NCOA1: variants seen among roughly 807,000 people sequenced by gnomAD.
NCOA1 encodes the protein Hin-2 protein.
NCOA1 carries 35 observed loss-of-function variants against 150.9 expected under a neutral mutation model. That is an observed-to-expected ratio of 0.23 (90% CI 0.18 to 0.31). NCOA1 has a LOEUF of 0.31. Among genes scored for constraint, NCOA1 ranks in the 10% least tolerant of loss-of-function variants. The pLI is 1.00. For missense variants in NCOA1, 1,491 were observed against 1,749.3 expected (o/e 0.85, Z 2.63); for synonymous variants, 590 against 630.0 (o/e 0.94, Z 0.95).
In NCOA1 at chr2:24,707,183, C is replaced by T; in HGVS notation, c.1713C>T (p.Ser571=). The T allele has an allele frequency of 6.2e-7, 1 of 1,614,148 alleles. No homozygotes were observed. The highest frequency in any genetic ancestry group is 8.5e-7 in the Non-Finnish European group (1 of 1,180,026). Residue 571 remains serine (S), a synonymous_variant, in exon 13 of 23, where the codon AGC becomes AGT. Coordinates refer to ENST00000348332, the MANE Select transcript of NCOA1 (RefSeq NM_003743.5). The part of the protein sequence containing the change: ...LRQMSSQNSP[S]RLNIQPAKAE... ...AGATGAGCTCACAGAATTCACCTAG[C>T]AGATTAAATATACAACCAGCAAAAG...
Position 24,749,415 on chromosome 2 carries a change from C to T in NCOA1, c.3707-2567C>T, listed in dbSNP as rs542035279. Among the ~76,000 whole-genome samples the T allele has an allele frequency of 8.3e-4, 126 of 152,308 alleles. 1 individual carries two copies. The highest frequency in any genetic ancestry group is 2.9e-3 in the African/African-American group (120 of 41,562). ...TCAAGTCTTCAGCTGAGAGCTGATGCGCGCACGCGGGCATGCGTGTTTGTG... is the reference window on the plus strand; with the variant it reads ...TCAAGTCTTCAGCTGAGAGCTGATGTGCGCACGCGGGCATGCGTGTTTGTG... On this transcript the variant is annotated intron_variant, in intron 19 of 22. Transcript: ENST00000348332.
At chr2:24,697,047 TG>T (rs1672939488) in intron 10 of NCOA1, among the ~76,000 whole-genome samples, 1 of 152,162 alleles carries the variant, frequency 6.6e-6, no homozygotes, top group South Asian at 2.1e-4. Context: ...TGTTTAAATA[TG>T]ATAACAATGG....
At chr2:24,499,317 A>T (rs1383952651) in intron 1 of NCOA1, among the ~76,000 whole-genome samples, 1 of 152,180 alleles carries the variant, frequency 6.6e-6, no homozygotes, top group African/African-American at 2.4e-5. Flanking sequence ...TTAAAAAAAA[A>T]TTTTAACCTC....
intron 1 of NCOA1, among the ~76,000 whole-genome samples, chr2:24,539,586 G>A (rs1665306017): frequency 6.6e-6 from 1 of 152,154 alleles, no homozygotes; most frequent in Non-Finnish European, 1.5e-5. Context: ...TTCATGATGT[G>A]ATTTGCATTT....
intron 22 of NCOA1, chr2:24,767,807 C>T (rs1665144166): frequency 5.5e-6 from 2 of 366,404 alleles, no homozygotes; most frequent in Non-Finnish European, 9.8e-6. Context: ...TTTTCAGTGA[C>T]ATCATAAAGA....
At chr2:24,638,152 T>C (rs1354772491) in intron 3 of NCOA1, among the ~76,000 whole-genome samples, 1 of 151,736 alleles carries the variant, frequency 6.6e-6, no homozygotes. Context: ...TAGTATCTTA[T>C]GTTCTACTTG....
chr2:24,528,372 G>A (rs944114872), intron 1 of NCOA1, among the ~76,000 whole-genome samples: 3 of 134,806 alleles, frequency 2.2e-5, no homozygotes, highest in African/African-American at 8.2e-5. Flanking sequence ...TCTGAGACAA[G>A]GTCTTGCTTT....
At chr2:24,493,995 G>A (rs772727099) in intron 1 of NCOA1, among the ~76,000 whole-genome samples, 70 of 152,172 alleles carry the variant, frequency 4.6e-4, no homozygotes, top group Non-Finnish European at 1.0e-4. Context: ...GAAAGTGCTG[G>A]CAACATTTCA....
chr2:24,541,025 T>G (rs1350050120), intron 1 of NCOA1, among the ~76,000 whole-genome samples: 1 of 152,176 alleles, frequency 6.6e-6, no homozygotes, highest in East Asian at 1.9e-4. Flanking sequence ...CACTTGGGCA[T>G]GCTGAGATTG....
At chr2:24,526,081 T>G (rs548316991) in intron 1 of NCOA1, among the ~76,000 whole-genome samples, 3 of 152,288 alleles carry the variant, frequency 2.0e-5, no homozygotes, top group African/African-American at 7.2e-5. Context: ...CTGGCCTAAT[T>G]GTTTCTTGGA....
intron 1 of NCOA1, among the ~76,000 whole-genome samples, chr2:24,533,786 A>G (rs1454905069): frequency 6.6e-6 from 1 of 152,128 alleles, no homozygotes; most frequent in Non-Finnish European, 1.5e-5. Context: ...CATCCTGGGG[A>G]TGAAGCCAAT....
Position 24,763,852 on chromosome 2 carries a change from C to G in NCOA1, c.4155+1076C>G, listed in dbSNP as rs559737324. On this transcript the variant is annotated intron_variant, in intron 22 of 22. Transcript: ENST00000348332. ...GACCAGGCCGGTCTCGAACTCCTGACCTAAGGTGATCCACCCGCCTCGGCC... is the reference window on the plus strand; with the variant it reads ...GACCAGGCCGGTCTCGAACTCCTGAGCTAAGGTGATCCACCCGCCTCGGCC... Among the ~76,000 whole-genome samples the G allele has an allele frequency of 2.0e-5, 3 of 152,004 alleles. No homozygotes were observed. In the East Asian group the frequency reaches 5.9e-4, roughly 30 times the overall value.
intron 15 of NCOA1, 86 bp from the exon 16 acceptor site, chr2:24,728,222 C>T: frequency 8.1e-7 from 1 of 1,228,638 alleles, no homozygotes; most frequent in African/African-American, 1.6e-5. Context: ...TTTCTAAGAC[C>T]AAATTTGCAT....
chr2:24,736,993 G>T (rs1572662621), intron 17 of NCOA1, among the ~76,000 whole-genome samples: 1 of 152,114 alleles, frequency 6.6e-6, no homozygotes, highest in Non-Finnish European at 1.5e-5. Context: ...AACTGTGTGT[G>T]TTTATTTTAT....
intron 1 of NCOA1, among the ~76,000 whole-genome samples, chr2:24,515,876 T>A (rs1664139517): frequency 6.6e-6 from 1 of 152,220 alleles, no homozygotes. Context: ...AAAGCTAGTC[T>A]ATAATTTATA....
chr2:24,524,328 C>G (rs1664563525), intron 1 of NCOA1, among the ~76,000 whole-genome samples: 1 of 152,178 alleles, frequency 6.6e-6, no homozygotes. Context: ...CAGGGTCGCA[C>G]TCTGTCGCCC....
chr2:24,726,625 A>G lies in NCOA1; in HGVS notation c.2636A>G (p.Gln879Arg), dbSNP rs1327720933. The change falls in exon 15 of 23, where the codon CAA (glutamine) becomes CGA (arginine). Residue 879 changes from glutamine to arginine, a missense_variant. Physicochemically the swap from Gln to Arg is conservative, Grantham distance 43. This residue lies in a region of NCOA1 where 703 missense variants were observed against 717.7 expected (regional missense o/e 0.98). Transcript: ENST00000348332. ...CTGGAATTGGAAGCAATTGATAACC[A>G]ATTTGGACAACCAGGAACAGGCGAT... The part of the protein sequence containing the change: ...PELELEAIDN[Q>R]FGQPGTGDQI... 1.2e-6 allele frequency: 2 copies of G among 1,610,820 alleles called. No individual in the cohort carries two copies. Among genetic ancestry groups the G allele is most frequent in the East Asian group, 2.2e-5 (1 of 44,648 alleles).
intron 3 of NCOA1, among the ~76,000 whole-genome samples, chr2:24,594,503 CTT>C (rs1667808728): frequency 6.6e-6 from 1 of 152,082 alleles, no homozygotes; most frequent in Admixed American, 6.6e-5. Context: ...TGGGGACACT[CTT>C]TAGACAAGAG....
At chr2:24,755,757 A>G (rs1487191628) in intron 20 of NCOA1, among the ~76,000 whole-genome samples, 1 of 152,186 alleles carries the variant, frequency 6.6e-6, no homozygotes, top group Non-Finnish European at 1.5e-5. Context: ...AAACTAATAT[A>G]CAGTCCCAAA....
Sources: gnomAD v4.1 joint callset for allele counts (sites outside exome capture counted in the v4.1 genomes callset) on GRCh38, gnomAD v4.1.1 for gene constraint, gnomAD v4.1.1 regional missense constraint, MANE v1.5 for transcripts, NCBI Gene and HGNC (gene_info 2026-07-23, HGNC 2026-07-21) for gene names.